WDR7: variants seen among roughly 807,000 people sequenced by gnomAD.
The protein encoded by WDR7 is WD repeat domain 7, also known as WD repeat-containing protein 7.
WDR7 carries 46 observed loss-of-function variants against 169.4 expected under a neutral mutation model. The ratio of observed to expected loss-of-function variants is 0.27; its 90% CI spans 0.21 to 0.35. The LOEUF is 0.35. Among genes scored for constraint, WDR7 ranks in the 10% least tolerant of loss-of-function variants. WDR7 has a pLI of 1.00. For missense variants in WDR7, 1,534 were observed against 1,859.3 expected (o/e 0.83, Z 3.22); for synonymous variants, 612 against 666.8 (o/e 0.92, Z 1.27).
chr18:56,884,638 GC>G (rs1168612292), intron 21 of WDR7, among the ~76,000 whole-genome samples: 1 of 152,162 alleles, frequency 6.6e-6, no homozygotes, highest in Non-Finnish European at 1.5e-5. Flanking sequence ...GCTGCAGCAA[GC>G]CAGGCCCAAA....
chr18:56,939,532 T>C, intron 25 of WDR7, 139 bp downstream of exon 25: 1 of 518,416 alleles, frequency 1.9e-6, no homozygotes, highest in Non-Finnish European at 3.2e-6. Context: ...TCTAAAACAA[T>C]ATGGGCAGGT....
intron 19 of WDR7, among the ~76,000 whole-genome samples, chr18:56,811,710 G>A (rs1276695509): frequency 6.6e-6 from 1 of 151,950 alleles, no homozygotes; most frequent in Non-Finnish European, 1.5e-5. Context: ...ATGTTCAGTT[G>A]TTCTAGCCCT....
chr18:56,809,809 GTA>G (rs3045240), intron 19 of WDR7, among the ~76,000 whole-genome samples: 27 of 150,540 alleles, frequency 1.8e-4, no homozygotes, highest in East Asian at 9.7e-4. Flanking sequence ...GTTTTTGGAA[GTA>G]TATATATATA....
downstream of WDR7, chr18:57,032,648 T>C (rs1188844712): frequency 2.0e-5 from 3 of 152,122 alleles, no homozygotes; most frequent in East Asian, 3.8e-4. Flanking sequence ...GAACTGAGCA[T>C]GTGAGGGATC....
chr18:56,687,634 G>GT (rs1007964777), intron 7 of WDR7, among the ~76,000 whole-genome samples: 4 of 151,720 alleles, frequency 2.6e-5, no homozygotes, highest in South Asian at 2.1e-4. Flanking sequence ...TTTGTTTTTT[G>GT]TTTTTTTAAA....
chr18:56,846,718 C>G (rs1037118156), intron 20 of WDR7, among the ~76,000 whole-genome samples: 2 of 152,142 alleles, frequency 1.3e-5, no homozygotes, highest in Non-Finnish European at 2.9e-5. Flanking sequence ...TTTTTCTTCT[C>G]TCTCTTGCTC....
chr18:56,905,713 G>A (rs2046466976), intron 21 of WDR7, among the ~76,000 whole-genome samples: 1 of 151,654 alleles, frequency 6.6e-6, no homozygotes, highest in African/African-American at 2.4e-5. Flanking sequence ...CAGTGACTGA[G>A]AATCCAGGAG....
Position 56,756,969 on chromosome 18 carries a change from A to T in WDR7, c.2376A>T (p.Glu792Asp). The change falls in exon 15 of 28, where the codon GAA (glutamate) becomes GAT (aspartate). Residue 792 changes from glutamate to aspartate, a missense_variant. Coordinates refer to ENST00000254442, the MANE Select transcript of WDR7 (RefSeq NM_015285.3). ...SSKSKPLTLL[E>D]YNLTMDTAKL... ...AATCAAAGCCATTGACCCTATTAGA[A>T]TATAATTTAACTATGGACACTGCAA... is the stretch of plus-strand genomic sequence containing the variant. The T allele has an allele frequency of 6.2e-7, 1 of 1,614,146 alleles. No homozygotes were observed. Among genetic ancestry groups the T allele is most frequent in the Non-Finnish European group, 8.5e-7 (1 of 1,180,022 alleles).
rs563012799 is a variant in WDR7 at position 56,968,921 on chromosome 18, T to C, written c.4164+6392T>C. On this transcript the variant is annotated intron_variant, in intron 26 of 27. Coordinates refer to ENST00000254442, the MANE Select transcript of WDR7 (RefSeq NM_015285.3). ...TTAATGTTAATTCTTATCACTCTAC[T>C]GCCCAGGATACAGATTTCTCCTTTC... 9.8e-5 allele frequency among the ~76,000 whole-genome samples: 15 copies of C among 152,348 alleles called. 1 individual carries two copies. The South Asian group carries it at 3.1e-3, about 32-fold the overall frequency.
chr18:56,662,955 C>T (rs2024936724), intron 1 of WDR7, among the ~76,000 whole-genome samples: 1 of 152,188 alleles, frequency 6.6e-6, no homozygotes, highest in Non-Finnish European at 1.5e-5. Context: ...GTGGCTTAAA[C>T]AACAGAATTT....
At chr18:56,708,109 C>T (rs1360605729) in intron 12 of WDR7, among the ~76,000 whole-genome samples, 1 of 150,090 alleles carries the variant, frequency 6.7e-6, no homozygotes, top group Non-Finnish European at 1.5e-5. Flanking sequence ...TCTCTTCTCA[C>T]TGCAACCTCC....
intron 14 of WDR7, among the ~76,000 whole-genome samples, chr18:56,752,420 G>A (rs1055552027): frequency 9.2e-5 from 14 of 152,022 alleles, no homozygotes; most frequent in Admixed American, 2.6e-4. Flanking sequence ...TCTCCATTGC[G>A]TCCCCTTCTT....
chr18:56,671,509 G>A (rs1240062564), intron 1 of WDR7, among the ~76,000 whole-genome samples: 2 of 152,096 alleles, frequency 1.3e-5, no homozygotes. Flanking sequence ...TGACTCAGGT[G>A]ATCCACCCAC....
rs77664464 is a variant in WDR7, at chr18:56,985,675, A to G, written c.4164+23146A>G. On this transcript the variant is annotated intron_variant, in intron 26 of 27. Transcript: ENST00000254442. ...CCTTGAGCATGTATTTTTGTTTTAT[A>G]TTGTTTTATATTGGAGGTTTTATAT... 7.9e-3 allele frequency among the ~76,000 whole-genome samples: 1,205 copies of G among 151,912 alleles called. 25 individuals carry two copies. Among genetic ancestry groups the G allele is most frequent in the East Asian group, 0.079 (410 of 5,174 alleles).
intron 20 of WDR7, among the ~76,000 whole-genome samples, chr18:56,818,659 G>T (rs949384646): frequency 6.6e-6 from 1 of 152,160 alleles, no homozygotes. Flanking sequence ...ATAGATTTTT[G>T]TGAGGGTTTA....
rs1005076948 is a variant in WDR7, at chr18:56,794,937, A to G, written c.3190+13281A>G. ...TGTGATGAGTTTTGCCTTTCTTTTCATTAGAGTAGCAGATCCCAGTATTAT... is the reference window on the plus strand; with the variant it reads ...TGTGATGAGTTTTGCCTTTCTTTTCGTTAGAGTAGCAGATCCCAGTATTAT... On this transcript the variant is annotated intron_variant, in intron 19 of 27. Transcript: ENST00000254442. 5.9e-5 allele frequency among the ~76,000 whole-genome samples: 9 copies of G among 152,208 alleles called. No individual in the cohort carries two copies. In the East Asian group the frequency reaches 1.4e-3, roughly 23 times the overall value.
At chr18:56,804,455 G>A (rs549079644) in intron 19 of WDR7, among the ~76,000 whole-genome samples, 1 of 152,100 alleles carries the variant, frequency 6.6e-6, no homozygotes, top group Non-Finnish European at 1.5e-5. Flanking sequence ...CATAAAAAAC[G>A]TGTCAGAACA....
chr18:56,725,269 A>G (rs1361365568), intron 13 of WDR7, among the ~76,000 whole-genome samples: 1 of 150,818 alleles, frequency 6.6e-6, no homozygotes, highest in Non-Finnish European at 1.5e-5. Context: ...CAGTCCCCCA[A>G]CAGTGTAAAA....
chr18:56,672,917 G>A (rs564336918), intron 2 of WDR7, among the ~76,000 whole-genome samples: 5 of 152,148 alleles, frequency 3.3e-5, no homozygotes, highest in Admixed American at 3.3e-4. Context: ...TTACATTTAA[G>A]ATTTTTCAAA....
Sources: allele counts gnomAD v4.1 joint callset (sites outside exome capture counted in the v4.1 genomes callset), GRCh38; gene constraint gnomAD v4.1.1; transcripts MANE v1.5; gene names NCBI Gene and HGNC (gene_info 2026-07-23, HGNC 2026-07-21).